The following NUBPL variants were observed in gnomAD, a reference collection of about 807,000 sequenced individuals.
NUBPL encodes NUBP iron-sulfur cluster assembly factor, mitochondrial, also known as iron-sulfur cluster transfer protein NUBPL.
A neutral mutation model predicts 45.7 loss-of-function variants in NUBPL; 31 were observed. The ratio of observed to expected loss-of-function variants is 0.68; its 90% CI spans 0.51 to 0.92. The LOEUF (loss-of-function observed/expected upper bound fraction) is 0.92. Among genes scored for constraint, NUBPL ranks in the 40% least tolerant of loss-of-function variants. The pLI is 0.00. For missense variants in NUBPL, 401 were observed against 398.7 expected, an observed-to-expected ratio of 1.01 and a Z score of -0.05; for synonymous variants, 144 against 140.9, an observed-to-expected ratio of 1.02 and a Z score of -0.15.
chr14:31,666,484 C>G (rs1383575077), intron 4 of NUBPL, among the ~76,000 whole-genome samples: 4 of 151,046 alleles, frequency 2.6e-5, no homozygotes, highest in Non-Finnish European at 5.9e-5. Context: ...AGGCTGGTCT[C>G]AAACTCATGA....
At chr14:31,639,429 C>T (rs924223315) in intron 4 of NUBPL, among the ~76,000 whole-genome samples, 82 of 152,284 alleles carry the variant, frequency 5.4e-4, no homozygotes, top group African/African-American at 1.5e-3. Context: ...GCTGTATGAT[C>T]GTTCCTCTGG....
rs1454427616 is a variant in NUBPL, at chr14:31,860,562, C to T, written c.*1382C>T. The T allele has an allele frequency of 6.6e-6, 1 of 152,080 alleles. No homozygotes were observed. The highest frequency in any genetic ancestry group is 2.4e-5 in the African/African-American group (1 of 41,398). The allele number at this position is 152,080 out of a possible 1,614,324, so 9.4% of individuals were successfully genotyped here. A position where few individuals can be genotyped will look rare whatever the true frequency, so the allele number is the denominator to read the frequency against. On this transcript the variant is annotated 3_prime_UTR_variant, in exon 11 of 11. Coordinates refer to ENST00000281081, the MANE Select transcript of NUBPL (RefSeq NM_025152.3). ...GATAAGTGTGAGCCATTAGTTAATTCGCATTTATAAAGAAGTGGTCTGTCA... is the reference window on the plus strand; with the variant it reads ...GATAAGTGTGAGCCATTAGTTAATTTGCATTTATAAAGAAGTGGTCTGTCA...
At chr14:31,767,274 C>T (rs181097378) in intron 6 of NUBPL, among the ~76,000 whole-genome samples, 2 of 152,304 alleles carry the variant, frequency 1.3e-5, no homozygotes, top group Non-Finnish European at 2.9e-5. Flanking sequence ...GCGATCTCGG[C>T]TCACTGCAAG....
At chr14:31,584,907 G>T (rs954659078) in intron 3 of NUBPL, among the ~76,000 whole-genome samples, 2 of 152,196 alleles carry the variant, frequency 1.3e-5, no homozygotes, top group East Asian at 3.9e-4. Flanking sequence ...GAGCTCTTTG[G>T]GGTCTCTTTT....
intron 7 of NUBPL, among the ~76,000 whole-genome samples, chr14:31,823,398 A>T (rs2040048932): frequency 6.6e-6 from 1 of 152,152 alleles, no homozygotes; most frequent in African/African-American, 2.4e-5. Flanking sequence ...TAACATGTTT[A>T]TATCATATGA....
intron 3 of NUBPL, among the ~76,000 whole-genome samples, chr14:31,568,894 G>GCAAGA (rs1382267025): frequency 6.6e-6 from 1 of 152,130 alleles, no homozygotes; most frequent in African/African-American, 2.4e-5. Flanking sequence ...GGGGAGATTT[G>GCAAGA]CAAGACAGTC....
chr14:31,581,127 C>T (rs1182176141), intron 3 of NUBPL, among the ~76,000 whole-genome samples: 2 of 150,446 alleles, frequency 1.3e-5, no homozygotes, highest in African/African-American at 4.9e-5. Flanking sequence ...ACATCTGTTC[C>T]AAAGATATTT....
In NUBPL at chr14:31,562,130, TC is replaced by T; in HGVS notation, c.173del (p.Pro58GlnfsTer6). On this transcript the variant is annotated frameshift_variant, in exon 2 of 11. Transcript: ENST00000281081. LOFTEE classifies it high-confidence loss of function. The part of the protein sequence containing the change: ...RRTQIMSRGL[P>X]KQKPIEGVKQ... ...GAACACAAATCATGTCCCGAGGACT[TC>T]CAAAGCAGAAACCGATAGAAGGTGT... 2 of 1,613,926 alleles carry T rather than the reference TC, an allele frequency of 1.2e-6. No individual in the cohort carries two copies. Among genetic ancestry groups the T allele is most frequent in the Non-Finnish European group, 1.7e-6 (2 of 1,179,830 alleles).
At chr14:31,818,137 C>T (rs1019869263) in intron 7 of NUBPL, among the ~76,000 whole-genome samples, 1 of 152,124 alleles carries the variant, frequency 6.6e-6, no homozygotes, top group Admixed American at 6.5e-5. Context: ...AATATATATG[C>T]ACCCAATAAA....
chr14:31,649,068 A>G (rs2035932923), intron 4 of NUBPL, among the ~76,000 whole-genome samples: 1 of 152,214 alleles, frequency 6.6e-6, no homozygotes, highest in Non-Finnish European at 1.5e-5. Context: ...TCGGCCTCCC[A>G]AAGTGCTGGG....
At chr14:31,669,040 AT>A (rs1023158316) in intron 4 of NUBPL, among the ~76,000 whole-genome samples, 3 of 152,102 alleles carry the variant, frequency 2.0e-5, no homozygotes, top group Non-Finnish European at 4.4e-5. Context: ...TATTTATTTT[AT>A]TTTTAGAGTT....
Position 31,861,151 on chromosome 14 carries a change from ATC to A in NUBPL, c.*1975_*1976del, listed in dbSNP as rs1010541791. The A allele has an allele frequency of 1.3e-5, 2 of 152,188 alleles. No homozygotes were observed. The highest frequency in any genetic ancestry group is 2.9e-5 in the Non-Finnish European group (2 of 68,036). The allele number at this position is 152,188 out of a possible 1,614,324, so 9.4% of individuals were successfully genotyped here. A position where few individuals can be genotyped will look rare whatever the true frequency, so the allele number is the denominator to read the frequency against. On this transcript the variant is annotated 3_prime_UTR_variant, in exon 11 of 11. Coordinates refer to ENST00000281081, the MANE Select transcript of NUBPL (RefSeq NM_025152.3). Reference sequence around the variant, plus strand: ...GGAAATTGGGTGAAGGGCACATGGAATCTCTGTATTATTTCAACTGCATGTAA... The same window carrying A: ...GGAAATTGGGTGAAGGGCACATGGAATCTGTATTATTTCAACTGCATGTAA...
Position 31,681,210 on chromosome 14 carries a change from G to A in NUBPL, c.513+7636G>A, listed in dbSNP as rs2036825632. 2.6e-5 allele frequency among the ~76,000 whole-genome samples: 4 copies of A among 151,852 alleles called. No homozygotes were observed. The South Asian group carries it at 8.3e-4, about 31-fold the overall frequency. On this transcript the variant is annotated intron_variant, in intron 6 of 10. Coordinates refer to ENST00000281081, the MANE Select transcript of NUBPL (RefSeq NM_025152.3). ...CTTGGCGTGCTTTGTTTTGTTTTGGGTTGGTAGAACATTTTTGATGACTAA... is the reference window on the plus strand; with the variant it reads ...CTTGGCGTGCTTTGTTTTGTTTTGGATTGGTAGAACATTTTTGATGACTAA...
chr14:31,757,383 G>A (rs2038692487), intron 6 of NUBPL, among the ~76,000 whole-genome samples: 2 of 151,682 alleles, frequency 1.3e-5, no homozygotes, highest in Admixed American at 6.6e-5. Context: ...TTCAGAGCCT[G>A]TTATTGGTCT....
At chr14:31,699,721 T>C (rs532555837) in intron 6 of NUBPL, among the ~76,000 whole-genome samples, 2 of 152,368 alleles carry the variant, frequency 1.3e-5, no homozygotes, top group South Asian at 4.1e-4. Context: ...ACGTTGTATT[T>C]TATAAGACAT....
chr14:31,594,420 C>T (rs1350700373), intron 3 of NUBPL, among the ~76,000 whole-genome samples: 1 of 152,162 alleles, frequency 6.6e-6, no homozygotes, highest in African/African-American at 2.4e-5. Context: ...GAAAAAACAA[C>T]CAAAAAGAAA....
intron 7 of NUBPL, among the ~76,000 whole-genome samples, chr14:31,825,747 C>T (rs947783247): frequency 6.7e-6 from 1 of 149,648 alleles, no homozygotes; most frequent in African/African-American, 2.5e-5. Context: ...TCATTGTCAT[C>T]TTCTTTTTTC....
chr14:31,807,192 G>A (rs1431897156), intron 7 of NUBPL, among the ~76,000 whole-genome samples: 3 of 152,236 alleles, frequency 2.0e-5, no homozygotes, highest in South Asian at 2.1e-4. Flanking sequence ...TTGAGGAATC[G>A]CCACACTGTC....
At chr14:31,635,684 A>G (rs558358112) in intron 4 of NUBPL, among the ~76,000 whole-genome samples, 44 of 151,574 alleles carry the variant, frequency 2.9e-4, no homozygotes, top group African/African-American at 9.7e-4. Flanking sequence ...CTTGGGCAGT[A>G]TGGCGATTTT....
Sources: allele counts gnomAD v4.1 joint callset (sites outside exome capture counted in the v4.1 genomes callset), GRCh38; gene constraint gnomAD v4.1.1; transcripts MANE v1.5; gene names NCBI Gene and HGNC (gene_info 2026-07-23, HGNC 2026-07-21).